Variants in SERGEF observed in about 807,000 individuals in gnomAD.
SERGEF encodes secretion-regulating guanine nucleotide exchange factor.
A neutral mutation model predicts 50.0 loss-of-function variants in SERGEF; 51 were observed. That is an observed-to-expected ratio of 1.02 (90% CI 0.81 to 1.29). The LOEUF (loss-of-function observed/expected upper bound fraction) is 1.29, where lower values mean the gene tolerates loss of function less well. SERGEF is among the 50% of genes most tolerant of loss of function. The pLI, the probability that SERGEF is intolerant of heterozygous loss-of-function variation, is 0.00. For synonymous variants in SERGEF, 205 were observed against 212.4 expected (o/e 0.97, Z 0.30); for missense variants, 521 against 557.0 (o/e 0.94, Z 0.65).
chr11:17,817,767 C>G (rs1257113856), intron 10 of SERGEF, among the ~76,000 whole-genome samples: 1 of 152,202 alleles, frequency 6.6e-6, no homozygotes, highest in African/African-American at 2.4e-5. Flanking sequence ...TTTGAGCACT[C>G]TGCTAAGATC....
intron 10 of SERGEF, among the ~76,000 whole-genome samples, chr11:17,805,414 G>A (rs527910757): frequency 2.6e-5 from 4 of 152,316 alleles, no homozygotes; most frequent in South Asian, 2.1e-4. Flanking sequence ...TGTGCTGGGC[G>A]TACAGCCTTG....
intron 9 of SERGEF, among the ~76,000 whole-genome samples, chr11:17,914,969 A>G (rs1033655956): frequency 4.6e-5 from 7 of 152,254 alleles, no homozygotes; most frequent in African/African-American, 1.7e-4. Context: ...GAATAAAAGA[A>G]GAGGTCCTCT....
intron 10 of SERGEF, among the ~76,000 whole-genome samples, chr11:17,870,758 A>G (rs1470160402): frequency 1.3e-5 from 2 of 152,232 alleles, no homozygotes; most frequent in Non-Finnish European, 2.9e-5. Context: ...AACTAAAATT[A>G]GACAGATTAA....
chr11:17,837,591 A>T (rs1850423770), intron 10 of SERGEF, among the ~76,000 whole-genome samples: 1 of 150,498 alleles, frequency 6.6e-6, no homozygotes, highest in Admixed American at 6.6e-5. Context: ...CCTCACCATA[A>T]ACCAAGCAGA....
Position 17,900,245 on chromosome 11 carries a change from G to A in SERGEF, c.1012-22001C>T, listed in dbSNP as rs1184864406. On this transcript the variant is annotated intron_variant, in intron 9 of 10. Coordinates refer to ENST00000265965, the MANE Select transcript of SERGEF (RefSeq NM_012139.4). Reference sequence around the variant, plus strand: ...TTGGGCAAGCTGCTTAACTCTAAGCGTCTCAGTTTCCCCACCTAAAAAACA... The same window carrying A: ...TTGGGCAAGCTGCTTAACTCTAAGCATCTCAGTTTCCCCACCTAAAAAACA... Among the ~76,000 whole-genome samples, 3 of 152,220 alleles carry A rather than the reference G, an allele frequency of 2.0e-5. No individual in the cohort carries two copies. The East Asian group carries it at 5.8e-4, about 29-fold the overall frequency.
intron 10 of SERGEF, among the ~76,000 whole-genome samples, chr11:17,830,685 A>AGAGAGAGAGAGAGAGTGC (rs540825238): frequency 8.4e-6 from 1 of 118,884 alleles, no homozygotes; most frequent in Non-Finnish European, 1.8e-5. Flanking sequence ...AGAGAGAGAG[A>AGAGAGAGAGAGAGAGTGC]GAGCACATGT....
At chr11:17,848,313 A>G (rs1850651693) in intron 10 of SERGEF, among the ~76,000 whole-genome samples, 1 of 152,230 alleles carries the variant, frequency 6.6e-6, no homozygotes, top group South Asian at 2.1e-4. Context: ...AGAAGAGCAG[A>G]TATTCATGGC....
intron 6 of SERGEF, among the ~76,000 whole-genome samples, chr11:17,993,518 A>T (rs1019531297): frequency 2.0e-5 from 3 of 152,194 alleles, no homozygotes; most frequent in Admixed American, 6.5e-5. Flanking sequence ...ACACAATCAG[A>T]ACCAGATTCT....
chr11:17,898,697 T>C (rs1242299913), intron 9 of SERGEF, among the ~76,000 whole-genome samples: 6 of 152,200 alleles, frequency 3.9e-5, no homozygotes, highest in Non-Finnish European at 7.3e-5. Context: ...GAAAAACAAC[T>C]CTTCCAAAAC....
chr11:17,942,734 A>G (rs1164644780), intron 9 of SERGEF, among the ~76,000 whole-genome samples: 1 of 152,180 alleles, frequency 6.6e-6, no homozygotes, highest in Admixed American at 6.5e-5. Context: ...TTATCATGTT[A>G]GTGCTTTATA....
intron 9 of SERGEF, among the ~76,000 whole-genome samples, chr11:17,889,112 T>G (rs1427139170): frequency 3.9e-5 from 6 of 152,176 alleles, no homozygotes. Flanking sequence ...AAAAGAATAA[T>G]TGGGCTAGAA....
intron 10 of SERGEF, among the ~76,000 whole-genome samples, chr11:17,845,805 GTC>G (rs1850597007): frequency 6.6e-6 from 1 of 152,116 alleles, no homozygotes; most frequent in African/African-American, 2.4e-5. Flanking sequence ...AGAAACTAAG[GTC>G]CAGAGAGGGC....
chr11:18,005,686 C>T (rs1854058587), intron 3 of SERGEF, among the ~76,000 whole-genome samples: 1 of 152,162 alleles, frequency 6.6e-6, no homozygotes, highest in African/African-American at 2.4e-5. Flanking sequence ...CAAAGCTGAA[C>T]AGAGAGGTCA....
At chr11:17,812,511 T>C (rs1849894098) in intron 10 of SERGEF, among the ~76,000 whole-genome samples, 1 of 152,192 alleles carries the variant, frequency 6.6e-6, no homozygotes, top group Admixed American at 6.5e-5. Flanking sequence ...GCTGCTGGCT[T>C]CATGTAGAAT....
At chr11:17,963,364 TA>T (rs1174880141) in intron 8 of SERGEF, among the ~76,000 whole-genome samples, 1,879 of 49,864 alleles carry the variant, frequency 0.038, 18 homozygotes, top group Middle Eastern at 0.056. Flanking sequence ...TTACTATTAG[TA>T]AAAAAAAAAA....
chr11:17,988,727 G>T lies in SERGEF; in HGVS notation c.714C>A (p.Ser238Arg), dbSNP rs1271265333. Residue 238 changes from serine to arginine, a missense_variant, in exon 8 of 11, where the codon AGC becomes AGA. By Grantham distance (110) the Ser-to-Arg change is moderately radical. Transcript: ENST00000265965. ...CATTAGCCAGTTGCCCATGCTTGTT[G>T]CTTCCCCAAACATACACCTCTCCTG... is the stretch of plus-strand genomic sequence containing the variant. ...TDAGEVYVWGSNKHGQLANEA... is the reference protein window; with the variant it reads ...TDAGEVYVWGRNKHGQLANEA... 1 of 1,614,062 alleles carries T rather than the reference G, an allele frequency of 6.2e-7. No homozygotes were observed. The highest frequency in any genetic ancestry group is 8.5e-7 in the Non-Finnish European group (1 of 1,179,968).
chr11:18,007,073 G>T (rs914774701), intron 2 of SERGEF, among the ~76,000 whole-genome samples: 1 of 152,178 alleles, frequency 6.6e-6, no homozygotes, highest in Non-Finnish European at 1.5e-5. Context: ...TGTGCAGAGC[G>T]GACTTATCCT....
At chr11:17,858,601 C>T (rs1040399260) in intron 10 of SERGEF, among the ~76,000 whole-genome samples, 1 of 152,100 alleles carries the variant, frequency 6.6e-6, no homozygotes. Flanking sequence ...CATGTAGTAT[C>T]TCTTTTCAAT....
In SERGEF at chr11:17,878,270, A is replaced by G. The variant is rs757159520; in HGVS notation, c.1012-26T>C. The G allele has an allele frequency of 1.3e-5, 20 of 1,520,650 alleles. No homozygotes were observed. In the South Asian group the frequency reaches 2.0e-4, roughly 15 times the overall value. 94.2% of individuals were successfully genotyped at this position (1,520,650 alleles called of 1,614,324 possible). On this transcript the variant is annotated intron_variant, in intron 9 of 10. Transcript: ENST00000265965. ...CTGTAAAAAAAAAAAAAGACAAAGA[A>G]AATGGATAGATATTTCAGCCAGTAT...
Sources: gnomAD v4.1 joint callset for allele counts (sites outside exome capture counted in the v4.1 genomes callset) on GRCh38, gnomAD v4.1.1 for gene constraint, MANE v1.5 for transcripts, NCBI Gene and HGNC (gene_info 2026-07-23, HGNC 2026-07-21) for gene names.